The following PGM2 variants were observed in gnomAD, a reference collection of about 807,000 sequenced individuals.
The protein encoded by PGM2 is phosphopentomutase.
PGM2 carries 57 observed loss-of-function variants against 74.6 expected under a neutral mutation model. That is an observed-to-expected ratio of 0.76 (90% CI 0.62 to 0.95). PGM2 has a LOEUF of 0.95. Ranked by LOEUF, PGM2 falls within the 40% of genes least tolerant of loss-of-function variation. The pLI is 0.00. For synonymous variants in PGM2, 273 were observed against 260.7 expected (o/e 1.05, Z -0.46); for missense variants, 706 against 741.9 (o/e 0.95, Z 0.56).
At position 37,862,080 on chromosome 4, in the gene PGM2, G is replaced by A; in HGVS notation, c.*468G>A. 6.5e-6 allele frequency: 1 copy of A among 153,522 alleles called. No individual in the cohort carries two copies. Among genetic ancestry groups the A allele is most frequent in the Non-Finnish European group, 1.5e-5 (1 of 68,766 alleles). The allele number at this position is 153,522 out of a possible 1,614,324, so 9.5% of individuals were successfully genotyped here. Reference sequence around the variant, plus strand: ...CAATTCCTTAGAAAGTAAAATAAATGAATAGATCAAATGTTGTGTTCATGT... The same window carrying A: ...CAATTCCTTAGAAAGTAAAATAAATAAATAGATCAAATGTTGTGTTCATGT... On this transcript the variant is annotated 3_prime_UTR_variant, in exon 14 of 14. Coordinates refer to ENST00000381967, the MANE Select transcript of PGM2 (RefSeq NM_018290.4).
chr4:37,851,820 A>C lies in PGM2; in HGVS notation c.1602+1447A>C, dbSNP rs556451333. Among the ~76,000 whole-genome samples the C allele has an allele frequency of 1.2e-4, 19 of 152,290 alleles. 1 individual carries two copies. The highest frequency in any genetic ancestry group is 8.3e-4 in the South Asian group (4 of 4,822). On this transcript the variant is annotated intron_variant, in intron 12 of 13. Coordinates refer to ENST00000381967, the MANE Select transcript of PGM2 (RefSeq NM_018290.4). ...TTCTCCCCATCCTCACAGTACGTTT[A>C]TGCCACAGCTTTTGGTTAAATCAGA... is the stretch of plus-strand genomic sequence containing the variant.
chr4:37,855,142 C>G (rs1003172077), intron 12 of PGM2, among the ~76,000 whole-genome samples: 16 of 152,198 alleles, frequency 1.1e-4, no homozygotes, highest in African/African-American at 3.6e-4. Context: ...TCTCTTCTGT[C>G]TAGCTGAAAC....
In PGM2 at chr4:37,841,190, T is replaced by TGTG. The variant is rs1491511171; in HGVS notation, c.719+931_719+932insGTG. 2.4e-3 allele frequency among the ~76,000 whole-genome samples: 200 copies of TGTG among 83,226 alleles called. 2 individuals are homozygous for TGTG. The highest frequency in any genetic ancestry group is 5.7e-3 in the Middle Eastern group (1 of 174). 54.6% of individuals were successfully genotyped at this position (83,226 alleles called of 152,430 possible). ...TGTGTGTGTGTGTGTGTGTGTGTGG[T>TGTG]TTGTTCTGTGCACTTTTCCCCCCAA... On this transcript the variant is annotated intron_variant, in intron 6 of 13. Coordinates refer to ENST00000381967, the MANE Select transcript of PGM2 (RefSeq NM_018290.4).
In PGM2 at chr4:37,861,938, T is replaced by A. The variant is rs1711791671; in HGVS notation, c.*326T>A. ...GCATAAATCATAAATGTATGTCCTCTCTGTAATTGTTTTAATGTGTGCTTG... is the reference window on the plus strand; with the variant it reads ...GCATAAATCATAAATGTATGTCCTCACTGTAATTGTTTTAATGTGTGCTTG... On this transcript the variant is annotated 3_prime_UTR_variant, in exon 14 of 14. Coordinates refer to ENST00000381967, the MANE Select transcript of PGM2 (RefSeq NM_018290.4). The A allele has an allele frequency of 4.6e-6, 1 of 216,594 alleles. No individual in the cohort carries two copies. Among genetic ancestry groups the A allele is most frequent in the Admixed American group, 5.0e-5 (1 of 20,196 alleles). 13.4% of individuals were successfully genotyped at this position (216,594 alleles called of 1,614,324 possible).
rs1711800738 is a variant in PGM2 at position 37,862,191 on chromosome 4, A to AC, written c.*579_*580insC. Reference sequence around the variant, plus strand: ...AGTTTTTTTGAACTAAATTTTTTTTAGTTCTAATAATGCACATAGGATATT... The same window carrying AC: ...AGTTTTTTTGAACTAAATTTTTTTTACGTTCTAATAATGCACATAGGATATT... On this transcript the variant is annotated 3_prime_UTR_variant, in exon 14 of 14. Coordinates refer to ENST00000381967, the MANE Select transcript of PGM2 (RefSeq NM_018290.4). 1 of 152,318 alleles carries AC rather than the reference A, an allele frequency of 6.6e-6. No individual in the cohort carries two copies. Among genetic ancestry groups the AC allele is most frequent in the Non-Finnish European group, 1.5e-5 (1 of 68,232 alleles). The allele number at this position is 152,318 out of a possible 1,614,324, so 9.4% of individuals were successfully genotyped here.
chr4:37,829,227 A>G (rs912117545), intron 1 of PGM2, among the ~76,000 whole-genome samples: 4 of 152,200 alleles, frequency 2.6e-5, no homozygotes, highest in African/African-American at 9.7e-5. Context: ...TAAATGAATC[A>G]TGTTAGCGTC....
In PGM2 at chr4:37,840,599, A is replaced by G. The variant is rs182037377; in HGVS notation, c.719+340A>G. Among the ~76,000 whole-genome samples, 556 of 152,196 alleles carry G rather than the reference A, an allele frequency of 3.7e-3. 4 individuals are homozygous for G. The highest frequency in any genetic ancestry group is 0.013 in the African/African-American group (532 of 41,532). ...AAGGTGTTGGCATGTTGGCCAGGCT[A>G]GTCTTGAACTCCTGGCCTCAAGTGA... On this transcript the variant is annotated intron_variant, in intron 6 of 13. Transcript: ENST00000381967.
At chr4:37,853,862 C>A (rs918245655) in intron 12 of PGM2, among the ~76,000 whole-genome samples, 1 of 152,184 alleles carries the variant, frequency 6.6e-6, no homozygotes, top group Non-Finnish European at 1.5e-5. Context: ...AGAATTTAAA[C>A]CATCTCCTGC....
chr4:37,854,335 CT>C (rs1326720496), intron 12 of PGM2, among the ~76,000 whole-genome samples: 2 of 151,932 alleles, frequency 1.3e-5, no homozygotes, highest in Non-Finnish European at 2.9e-5. Context: ...CTTACAGAAG[CT>C]TCCTTTTTTT....
At chr4:37,843,896 T>C (rs550675898) in intron 6 of PGM2, among the ~76,000 whole-genome samples, 5 of 152,294 alleles carry the variant, frequency 3.3e-5, no homozygotes, top group African/African-American at 1.2e-4. Flanking sequence ...TTTTATATCT[T>C]TATGTATGGG....
intron 3 of PGM2, among the ~76,000 whole-genome samples, 176 bp downstream of exon 3, chr4:37,834,900 GA>G (rs1725527030): frequency 6.6e-6 from 1 of 152,096 alleles, no homozygotes; most frequent in Non-Finnish European, 1.5e-5. Context: ...TTAGGTTAAG[GA>G]AATAAAATTA....
At chr4:37,846,273 C>T (rs894344809) in intron 8 of PGM2, among the ~76,000 whole-genome samples, 23 of 152,010 alleles carry the variant, frequency 1.5e-4, no homozygotes, top group African/African-American at 3.9e-4. Flanking sequence ...CAATTTTGGG[C>T]GTCAGGTAGC....
At chr4:37,852,660 C>T (rs1726084124) in intron 12 of PGM2, among the ~76,000 whole-genome samples, 1 of 152,172 alleles carries the variant, frequency 6.6e-6, no homozygotes, top group South Asian at 2.1e-4. Context: ...TATTGAGCCT[C>T]CAATCCTTCC....
chr4:37,859,282 A>G lies in PGM2; in HGVS notation c.1737-2228A>G, dbSNP rs75081506. On this transcript the variant is annotated intron_variant, in intron 13 of 13. Transcript: ENST00000381967. ...TCTTAAGAACACTCTCTTAATATTA[A>G]GGCAAATAGATAATAATGGTACTAG... is the stretch of plus-strand genomic sequence containing the variant. Among the ~76,000 whole-genome samples, 1,057 of 152,306 alleles carry G rather than the reference A, an allele frequency of 6.9e-3. 19 individuals are homozygous for G. The highest frequency in any genetic ancestry group is 0.024 in the African/African-American group (982 of 41,572).
In PGM2 at chr4:37,847,114, A is replaced by C; in HGVS notation, c.1188+3A>C. The C allele has an allele frequency of 6.2e-7, 1 of 1,611,660 alleles. No homozygotes were observed. The highest frequency in any genetic ancestry group is 1.1e-5 in the South Asian group (1 of 90,952). On this transcript the variant is annotated splice_donor_region_variant and intron_variant, in intron 9 of 13. Coordinates refer to ENST00000381967, the MANE Select transcript of PGM2 (RefSeq NM_018290.4). ...TAAAGGAAGGTTTTCATTTTGAGGTAGGGTGTTTCTGGGACTCACTCATTT... is the reference window on the plus strand; with the variant it reads ...TAAAGGAAGGTTTTCATTTTGAGGTCGGGTGTTTCTGGGACTCACTCATTT...
chr4:37,848,962 C>G (rs944773446), intron 11 of PGM2, among the ~76,000 whole-genome samples: 1 of 151,228 alleles, frequency 6.6e-6, no homozygotes, highest in Non-Finnish European at 1.5e-5. Context: ...CCCAGCTACT[C>G]AGGAGGCTGA....
Position 37,829,946 on chromosome 4 carries a change from T to C in PGM2, c.82-18T>C, listed in dbSNP as rs770438027. 15 of 1,554,380 alleles carry C rather than the reference T, an allele frequency of 9.7e-6. No individual in the cohort carries two copies. The South Asian group carries it at 1.6e-4, about 16-fold the overall frequency. ...TCATTCACTTGTCTGGCTGTGTCTA[T>C]ACATTTTTGTTTTTCAGAATTCCTT... On this transcript the variant is annotated intron_variant, in intron 1 of 13. Transcript: ENST00000381967.
At chr4:37,832,641 C>T (rs182388472) in intron 2 of PGM2, among the ~76,000 whole-genome samples, 1 of 152,250 alleles carries the variant, frequency 6.6e-6, no homozygotes, top group African/African-American at 2.4e-5. Context: ...ATTTTGGGTT[C>T]TGTGTTCATA....
intron 13 of PGM2, among the ~76,000 whole-genome samples, chr4:37,859,058 G>T (rs1043655001): frequency 2.6e-5 from 4 of 152,188 alleles, no homozygotes; most frequent in Admixed American, 2.6e-4. Flanking sequence ...GCAGGGCTGT[G>T]TTCCAGTAAA....
Sources: allele counts gnomAD v4.1 joint callset (sites outside exome capture counted in the v4.1 genomes callset), GRCh38; gene constraint gnomAD v4.1.1; transcripts MANE v1.5; gene names NCBI Gene and HGNC (gene_info 2026-07-23, HGNC 2026-07-21).